The following PHTF2 variants were observed in gnomAD, a reference collection of about 807,000 sequenced individuals.
PHTF2 encodes the protein protein PHTF2.
In PHTF2, 60 loss-of-function variants were observed where a neutral mutation model predicts 101.2. That is an observed-to-expected ratio of 0.59 (90% CI 0.48 to 0.73). The LOEUF (loss-of-function observed/expected upper bound fraction) is 0.73, where lower values mean the gene tolerates loss of function less well. Among genes scored for constraint, PHTF2 ranks in the 30% least tolerant of loss-of-function variants. PHTF2 has a pLI of 0.00. For synonymous variants in PHTF2, 311 were observed against 307.3 expected, an observed-to-expected ratio of 1.01 and a Z score of -0.13; for missense variants, 747 against 908.7, an observed-to-expected ratio of 0.82 and a Z score of 2.29.
At chr7:77,894,278 T>C (rs1364009980) in intron 5 of PHTF2, among the ~76,000 whole-genome samples, 3 of 152,220 alleles carry the variant, frequency 2.0e-5, no homozygotes. Context: ...GAATTTATTG[T>C]TTCCCAGCAC....
At chr7:77,859,652 C>G (rs1241466430) in intron 3 of PHTF2, among the ~76,000 whole-genome samples, 1 of 151,398 alleles carries the variant, frequency 6.6e-6, no homozygotes, top group Admixed American at 6.6e-5. Flanking sequence ...CAGCCGCAAC[C>G]TCCCAGGCCT....
At chr7:77,885,554 C>T (rs2150766011) in intron 3 of PHTF2, among the ~76,000 whole-genome samples, 1 of 152,164 alleles carries the variant, frequency 6.6e-6, no homozygotes, top group African/African-American at 2.4e-5. Flanking sequence ...AAGTGATTCT[C>T]CTGCCTCAGC....
At chr7:77,947,826 C>CTTTCTTTTTTTTT (rs1562976127) in intron 16 of PHTF2, among the ~76,000 whole-genome samples, 1 of 86,936 alleles carries the variant, frequency 1.2e-5, no homozygotes, top group African/African-American at 4.7e-5. Context: ...TTTCTTTTTT[C>CTTTCTTTTTTTTT]TTTTTTCTTT....
intron 1 of PHTF2, among the ~76,000 whole-genome samples, chr7:77,810,936 T>C (rs1793391156): frequency 6.6e-6 from 1 of 151,066 alleles, no homozygotes; most frequent in Non-Finnish European, 1.5e-5. Context: ...AGAGTTTTGC[T>C]CCTGTGGCCC....
intron 2 of PHTF2, among the ~76,000 whole-genome samples, chr7:77,841,405 C>T (rs1269679509): frequency 6.6e-6 from 1 of 151,968 alleles, no homozygotes; most frequent in Non-Finnish European, 1.5e-5. Flanking sequence ...AAGTTTTGTT[C>T]AATTGAAAAT....
At chr7:77,925,442 T>A (rs2150927402) in intron 11 of PHTF2, among the ~76,000 whole-genome samples, 1 of 151,692 alleles carries the variant, frequency 6.6e-6, no homozygotes, top group South Asian at 2.1e-4. Flanking sequence ...ACACAAATAT[T>A]GTAGGTAAAA....
In PHTF2 at chr7:77,825,677, G is replaced by A. The variant is rs564924540; in HGVS notation, c.-35-14544G>A. ...TCCTGATTCTCAAACTGAAGTTTGT[G>A]TGTGTATGCATAAAGACGTGTACAC... On this transcript the variant is annotated intron_variant, in intron 1 of 19. Coordinates refer to ENST00000416283, the Ensembl canonical transcript of PHTF2. Among the ~76,000 whole-genome samples, 8 of 152,352 alleles carry A rather than the reference G, an allele frequency of 5.3e-5. No homozygotes were observed. In the East Asian group the frequency reaches 1.5e-3, roughly 29 times the overall value.
At chr7:77,930,502 A>G (rs1365815853) in intron 12 of PHTF2, among the ~76,000 whole-genome samples, 1 of 152,068 alleles carries the variant, frequency 6.6e-6, no homozygotes, top group Admixed American at 6.6e-5. Flanking sequence ...TCTCTCTCTT[A>G]TCCAACTCCT....
At chr7:77,927,199 T>TACACACAC (rs375873189) in intron 11 of PHTF2, among the ~76,000 whole-genome samples, 1 of 108,562 alleles carries the variant, frequency 9.2e-6, no homozygotes, top group Non-Finnish European at 1.8e-5. Flanking sequence ...TATATATACA[T>TACACACAC]ACACACACAC....
At chr7:77,888,087 T>C (rs1337370244) in intron 3 of PHTF2, among the ~76,000 whole-genome samples, 4 of 152,208 alleles carry the variant, frequency 2.6e-5, no homozygotes, top group East Asian at 1.9e-4. Context: ...CAACAAAACA[T>C]TATTTGAGTA....
chr7:77,911,147 T>C (rs992601947), intron 9 of PHTF2, among the ~76,000 whole-genome samples: 3 of 152,194 alleles, frequency 2.0e-5, no homozygotes, highest in Non-Finnish European at 2.9e-5. Flanking sequence ...ATTCTACTTT[T>C]GTACAATGTA....
intron 1 of PHTF2, among the ~76,000 whole-genome samples, chr7:77,827,167 A>G (rs1458121493): frequency 6.6e-6 from 1 of 152,162 alleles, no homozygotes. Flanking sequence ...TTATTAAAGA[A>G]TGATTTTTGT....
intron 3 of PHTF2, among the ~76,000 whole-genome samples, chr7:77,891,366 G>T (rs1008082437): frequency 6.6e-6 from 1 of 152,096 alleles, no homozygotes; most frequent in African/African-American, 2.4e-5. Context: ...CTGATTGATT[G>T]AATTTATAAT....
At chr7:77,927,688 A>G (rs1804189891) in intron 11 of PHTF2, among the ~76,000 whole-genome samples, 1 of 152,198 alleles carries the variant, frequency 6.6e-6, no homozygotes, top group African/African-American at 2.4e-5. Flanking sequence ...GCTTTGTGCC[A>G]GGTTTGTATT....
intron 5 of PHTF2, among the ~76,000 whole-genome samples, chr7:77,899,877 C>A (rs952081657): frequency 6.6e-6 from 1 of 152,102 alleles, no homozygotes; most frequent in Non-Finnish European, 1.5e-5. Context: ...TAAGCTCTTG[C>A]AGTTCTTTTT....
In PHTF2 at chr7:77,893,745, T is replaced by C. The variant is rs1020234145; in HGVS notation, c.204+81T>C. On this transcript the variant is annotated intron_variant, in intron 4 of 19. Transcript: ENST00000416283. Reference sequence around the variant, plus strand: ...TTACATTTTCTGTAGTGTTTTTTAATATACTTTTAAGATATAAATTACTAT... The same window carrying C: ...TTACATTTTCTGTAGTGTTTTTTAACATACTTTTAAGATATAAATTACTAT... 67 of 670,634 alleles carry C rather than the reference T, an allele frequency of 1.0e-4. 1 individual carries two copies. The Admixed American group carries it at 1.8e-3, about 18-fold the overall frequency. The allele number at this position is 670,634 out of a possible 1,614,324, so 41.5% of individuals were successfully genotyped here.
chr7:77,890,998 C>T (rs1249446622), intron 3 of PHTF2, among the ~76,000 whole-genome samples: 1 of 148,786 alleles, frequency 6.7e-6, no homozygotes, highest in East Asian at 2.0e-4. Context: ...ACCTTGACCT[C>T]CTGGGCTCCA....
chr7:77,802,574 TTCTG>T (rs1205204955), intron 1 of PHTF2, among the ~76,000 whole-genome samples: 1 of 152,198 alleles, frequency 6.6e-6, no homozygotes. Context: ...CAGGGTCTCA[TTCTG>T]TCTTCCAGGT....
chr7:77,849,872 C>T (rs1183844228), intron 2 of PHTF2, among the ~76,000 whole-genome samples: 1 of 152,144 alleles, frequency 6.6e-6, no homozygotes, highest in Non-Finnish European at 1.5e-5. Context: ...TGCAACTTGA[C>T]TGAATTTGTT....
Sources: allele counts gnomAD v4.1 joint callset (sites outside exome capture counted in the v4.1 genomes callset), GRCh38; gene constraint gnomAD v4.1.1; transcripts MANE v1.5; gene names NCBI Gene and HGNC (gene_info 2026-07-23, HGNC 2026-07-21).